BTBD9: variants seen among roughly 807,000 people sequenced by gnomAD.
BTBD9 encodes BTB domain containing 9.
A neutral mutation model predicts 64.3 loss-of-function variants in BTBD9; 49 were observed. That is an observed-to-expected ratio of 0.76 (90% confidence interval 0.61 to 0.97). The LOEUF (loss-of-function observed/expected upper bound fraction) is 0.97. Among genes scored for constraint, BTBD9 ranks in the 50% least tolerant of loss-of-function variants. BTBD9 has a pLI of 0.00. For synonymous variants in BTBD9, 260 were observed against 274.7 expected (o/e 0.95, Z 0.53); for missense variants, 598 against 762.1 (o/e 0.78, Z 2.53).
At chr6:38,299,539 G>A (rs1358916939) in intron 7 of BTBD9, among the ~76,000 whole-genome samples, 1 of 152,140 alleles carries the variant, frequency 6.6e-6, no homozygotes, top group African/African-American at 2.4e-5. Flanking sequence ...ACTTTTTAAT[G>A]ATCGCCATTC....
At chr6:38,404,401 C>A (rs996592760) in intron 6 of BTBD9, among the ~76,000 whole-genome samples, 1 of 152,106 alleles carries the variant, frequency 6.6e-6, no homozygotes, top group African/African-American at 2.4e-5. Context: ...AGTTAGGTAA[C>A]CTTACTTGAT....
Position 38,598,281 on chromosome 6 carries a change from G to A in BTBD9, c.-27-160C>T, listed in dbSNP as rs1453711589. On this transcript the variant is annotated intron_variant, in intron 1 of 10. Coordinates refer to ENST00000481247, the MANE Select transcript of BTBD9 (RefSeq NM_001099272.2). ...CTTATTAACCCATTTATTTTGAGAA[G>A]GAATTCAGCCTGCTTCCCTTAACTG... 2.0e-5 allele frequency among the ~76,000 whole-genome samples: 3 copies of A among 152,228 alleles called. 1 individual carries two copies. Among genetic ancestry groups the A allele is most frequent in the Non-Finnish European group, 1.5e-5 (1 of 68,014 alleles).
intron 9 of BTBD9, among the ~76,000 whole-genome samples, chr6:38,252,345 G>A (rs754746514): frequency 6.6e-6 from 1 of 152,196 alleles, no homozygotes; most frequent in Non-Finnish European, 1.5e-5. Flanking sequence ...CTTGAGGTCT[G>A]CACTGTAGCA....
chr6:38,526,540 G>A (rs1374738385), intron 6 of BTBD9, among the ~76,000 whole-genome samples: 2 of 152,204 alleles, frequency 1.3e-5, no homozygotes, highest in Non-Finnish European at 2.9e-5. Flanking sequence ...ACTCCAGCAT[G>A]GTAGATCCAC....
chr6:38,181,273 C>T (rs1412777703), intron 10 of BTBD9, among the ~76,000 whole-genome samples: 1 of 152,234 alleles, frequency 6.6e-6, no homozygotes, highest in Non-Finnish European at 1.5e-5. Flanking sequence ...ATAATTTCCA[C>T]AGACTGCTTT....
At chr6:38,485,255 C>G (rs2127385142) in intron 6 of BTBD9, among the ~76,000 whole-genome samples, 1 of 152,320 alleles carries the variant, frequency 6.6e-6, no homozygotes, top group East Asian at 1.9e-4. Context: ...ACACTTACTG[C>G]TGTTAATATT....
At chr6:38,175,283 C>G (rs1316342756) in intron 10 of BTBD9, 101 bp from the exon 11 acceptor site, 31 of 1,263,390 alleles carry the variant, frequency 2.5e-5, no homozygotes, top group Middle Eastern at 2.0e-4. Context: ...TGGGGGCCAC[C>G]ACGAGGGAGT....
At chr6:38,269,284 A>G (rs1561951248) in intron 8 of BTBD9, among the ~76,000 whole-genome samples, 1 of 152,260 alleles carries the variant, frequency 6.6e-6, no homozygotes, top group African/African-American at 2.4e-5. Context: ...TAATTAATCA[A>G]TTTAATATGT....
At position 38,568,416 on chromosome 6, in the gene BTBD9, G is replaced by T. The variant is rs183920046; in HGVS notation, c.1154+9184C>A. On this transcript the variant is annotated intron_variant, in intron 6 of 10. Coordinates refer to ENST00000481247, the MANE Select transcript of BTBD9 (RefSeq NM_001099272.2). ...ATTCACTTTAGAAGCTGGATTGAAG[G>T]TCCTAGAAACTCTTCCTCACCAGTT... Among the ~76,000 whole-genome samples, 115 of 152,228 alleles carry T rather than the reference G, an allele frequency of 7.6e-4. 1 individual carries two copies. Among genetic ancestry groups the T allele is most frequent in the Admixed American group, 7.1e-3 (109 of 15,286 alleles).
intron 9 of BTBD9, among the ~76,000 whole-genome samples, chr6:38,215,973 CA>C (rs1429870582): frequency 1.3e-5 from 2 of 152,172 alleles, no homozygotes; most frequent in East Asian, 3.8e-4. Flanking sequence ...AATACTGCCC[CA>C]GGGGGAAGGC....
At chr6:38,277,919 T>G (rs550643425) in intron 8 of BTBD9, among the ~76,000 whole-genome samples, 2 of 152,322 alleles carry the variant, frequency 1.3e-5, no homozygotes, top group African/African-American at 4.8e-5. Context: ...GTGGCAGAGC[T>G]GTTGGCTAGA....
At chr6:38,273,769 A>T (rs1464579792) in intron 8 of BTBD9, among the ~76,000 whole-genome samples, 1 of 152,218 alleles carries the variant, frequency 6.6e-6, no homozygotes. Flanking sequence ...AAATAAGGGT[A>T]TCCAAGGAGA....
intron 6 of BTBD9, among the ~76,000 whole-genome samples, chr6:38,466,512 C>CA (rs1332907471): frequency 2.0e-5 from 3 of 151,972 alleles, no homozygotes; most frequent in African/African-American, 7.3e-5. Flanking sequence ...AGGCTGGTCT[C>CA]AAACTCCTGA....
intron 6 of BTBD9, among the ~76,000 whole-genome samples, chr6:38,465,589 A>G (rs1181956568): frequency 6.7e-6 from 1 of 148,450 alleles, no homozygotes; most frequent in Non-Finnish European, 1.5e-5. Context: ...TGAGACTGGG[A>G]GGCAGGAGAA....
rs80280737 is a variant in BTBD9, at chr6:38,422,097, G to T, written c.1155-77004C>A. 3.3e-3 allele frequency among the ~76,000 whole-genome samples: 498 copies of T among 152,250 alleles called. 6 individuals are homozygous for T. Among genetic ancestry groups the T allele is most frequent in the Admixed American group, 0.03 (453 of 15,304 alleles). On this transcript the variant is annotated intron_variant, in intron 6 of 10. Transcript: ENST00000481247. ...TTTTCTAAACCAGGGGTTTTCATGG[G>T]GGGTAGTATCATTCTGGGGAGCATT...
chr6:38,294,061 T>A (rs1282061961), intron 7 of BTBD9, among the ~76,000 whole-genome samples: 2 of 151,918 alleles, frequency 1.3e-5, no homozygotes, highest in Non-Finnish European at 2.9e-5. Context: ...AACAAACGTA[T>A]GAAAAAAAGC....
intron 10 of BTBD9, among the ~76,000 whole-genome samples, chr6:38,188,095 C>T (rs1180045398): frequency 2.6e-5 from 4 of 152,210 alleles, no homozygotes; most frequent in African/African-American, 4.8e-5. Flanking sequence ...TCCCAGTCCG[C>T]CTTAGCTCAG....
At chr6:38,593,391 T>G (rs1393140148) in intron 3 of BTBD9, among the ~76,000 whole-genome samples, 2 of 152,186 alleles carry the variant, frequency 1.3e-5, no homozygotes, top group African/African-American at 2.4e-5. Flanking sequence ...TATGTAGCTT[T>G]TCAATAGATT....
chr6:38,225,013 G>C (rs1763346371), intron 9 of BTBD9, among the ~76,000 whole-genome samples: 1 of 152,212 alleles, frequency 6.6e-6, no homozygotes, highest in Admixed American at 6.5e-5. Flanking sequence ...CTGGTAGATG[G>C]TGAATGTGGG....
Sources: gnomAD v4.1 joint callset for allele counts (sites outside exome capture counted in the v4.1 genomes callset) on GRCh38, gnomAD v4.1.1 for gene constraint, MANE v1.5 for transcripts, NCBI Gene and HGNC (gene_info 2026-07-23, HGNC 2026-07-21) for gene names.